Variants in PRKCQ observed in about 807,000 individuals in gnomAD.
The protein encoded by PRKCQ is protein kinase C theta.
A neutral mutation model predicts 91.2 loss-of-function variants in PRKCQ; 41 were observed. That is an observed-to-expected ratio of 0.45 (90% CI 0.35 to 0.58). PRKCQ has a LOEUF of 0.58. Among genes scored for constraint, PRKCQ ranks in the 20% least tolerant of loss-of-function variants. The pLI is 0.00. For missense variants in PRKCQ, 673 were observed against 896.5 expected, an observed-to-expected ratio of 0.75 and a Z score of 3.18; for synonymous variants, 307 against 316.9, an observed-to-expected ratio of 0.97 and a Z score of 0.33.
At chr10:6,545,166 C>T (rs1008279229) in intron 1 of PRKCQ, among the ~76,000 whole-genome samples, 3 of 152,198 alleles carry the variant, frequency 2.0e-5, no homozygotes, top group Non-Finnish European at 4.4e-5. Context: ...TCAGGAACCA[C>T]GGACATGAGA....
At chr10:6,531,998 C>T (rs1430914436) in intron 1 of PRKCQ, among the ~76,000 whole-genome samples, 5 of 152,102 alleles carry the variant, frequency 3.3e-5, no homozygotes, top group Non-Finnish European at 4.4e-5. Flanking sequence ...CTCTTTTGGC[C>T]GGGCCAGTGT....
chr10:6,456,027 G>A lies in PRKCQ; in HGVS notation c.1647+647C>T, dbSNP rs368332354. On this transcript the variant is annotated intron_variant, in intron 15 of 17. Transcript: ENST00000263125. ...GGGGTGTCACTAATCTCCCTGGGTG[G>A]GCAGCTGGGGAGGATTCTGTGAAAA... Among the ~76,000 whole-genome samples the A allele has an allele frequency of 9.9e-5, 15 of 152,248 alleles. No homozygotes were observed. The East Asian group carries it at 2.9e-3, about 29-fold the overall frequency.
chr10:6,503,367 G>A (rs1159923239), intron 4 of PRKCQ, among the ~76,000 whole-genome samples: 1 of 152,168 alleles, frequency 6.6e-6, no homozygotes, highest in Non-Finnish European at 1.5e-5. Context: ...AGAAGCACAG[G>A]AAGGTGTGAA....
intron 1 of PRKCQ, among the ~76,000 whole-genome samples, chr10:6,522,717 G>C (rs1467862647): frequency 6.6e-6 from 1 of 152,172 alleles, no homozygotes; most frequent in Non-Finnish European, 1.5e-5. Flanking sequence ...CTCAGTGTTG[G>C]GGGAGAGTCT....
the PRKCQ span, among the ~76,000 whole-genome samples, chr10:6,394,355 C>T: frequency 5.3e-4 from 81 of 152,346 alleles, no homozygotes; most frequent in African/African-American, 1.8e-3. Context: ...AGCACTCCAC[C>T]GATGGTCAGG....
At chr10:6,432,422 G>A (rs7100817) in intron 16 of PRKCQ, among the ~76,000 whole-genome samples, 58,173 of 151,932 alleles carry the variant, frequency 0.38, 13,352 homozygotes, top group East Asian at 0.71. Flanking sequence ...TTAAAGTTCC[G>A]GGTGAAATGT....
chr10:6,434,208 G>A (rs966749285), intron 16 of PRKCQ, among the ~76,000 whole-genome samples: 1 of 152,050 alleles, frequency 6.6e-6, no homozygotes, highest in African/African-American at 2.4e-5. Context: ...CCTCGCTCAT[G>A]TTGTTCTAAT....
At chr10:6,402,190 G>A in the PRKCQ span, among the ~76,000 whole-genome samples, 2 of 152,000 alleles carry the variant, frequency 1.3e-5, no homozygotes, top group Non-Finnish European at 2.9e-5. Flanking sequence ...ACACACCGGG[G>A]CCTGTTGGGG....
At chr10:6,572,278 G>A (rs1841074955) in intron 1 of PRKCQ, among the ~76,000 whole-genome samples, 1 of 106,994 alleles carries the variant, frequency 9.3e-6, no homozygotes, top group South Asian at 3.3e-4. Context: ...GTGCAGGTTT[G>A]TTACATGGGT....
intron 14 of PRKCQ, among the ~76,000 whole-genome samples, chr10:6,461,891 G>T (rs532704620): frequency 6.6e-6 from 1 of 152,156 alleles, no homozygotes; most frequent in Non-Finnish European, 1.5e-5. Context: ...AACGTGAAAT[G>T]ATGTCATACA....
chr10:6,467,347 G>GAGAGAC (rs1835721152), intron 12 of PRKCQ, among the ~76,000 whole-genome samples: 1 of 132,446 alleles, frequency 7.6e-6, no homozygotes, highest in Non-Finnish European at 1.7e-5. Flanking sequence ...GAGAGAGAGA[G>GAGAGAC]AGAGAGAGAC....
intron 4 of PRKCQ, among the ~76,000 whole-genome samples, chr10:6,505,805 C>A (rs1404287318): frequency 1.3e-5 from 2 of 152,104 alleles, no homozygotes; most frequent in Admixed American, 6.5e-5. Context: ...ACCACCAACT[C>A]TGGCTAATTT....
intron 1 of PRKCQ, among the ~76,000 whole-genome samples, chr10:6,566,264 T>C (rs1421671984): frequency 6.9e-6 from 1 of 145,344 alleles, no homozygotes; most frequent in Non-Finnish European, 1.5e-5. Flanking sequence ...TGAAGGGTTA[T>C]ACATGCCACC....
chr10:6,565,011 C>T (rs1840788785), intron 1 of PRKCQ, among the ~76,000 whole-genome samples: 1 of 152,172 alleles, frequency 6.6e-6, no homozygotes, highest in Non-Finnish European at 1.5e-5. Flanking sequence ...CTCTATCTTG[C>T]AAAAGACTAA....
At chr10:6,456,541 T>G in intron 15 of PRKCQ, 133 bp downstream of exon 15, 109 of 1,202,788 alleles carry the variant, frequency 9.1e-5, no homozygotes, top group Non-Finnish European at 1.1e-4. Context: ...GTGGCGTTTA[T>G]GAGATACTTA....
chr10:6,394,448 A>G, the PRKCQ span, among the ~76,000 whole-genome samples: 1 of 152,268 alleles, frequency 6.6e-6, no homozygotes, highest in Non-Finnish European at 1.5e-5. Context: ...ACAAACATCT[A>G]AAAATGCAAG....
At chr10:6,528,709 T>A (rs1839284145) in intron 1 of PRKCQ, among the ~76,000 whole-genome samples, 1 of 152,240 alleles carries the variant, frequency 6.6e-6, no homozygotes, top group South Asian at 2.1e-4. Context: ...CTTTGGTGGC[T>A]AAGTGTCTCC....
chr10:6,474,703 T>C (rs2130749907), intron 12 of PRKCQ, among the ~76,000 whole-genome samples: 1 of 152,326 alleles, frequency 6.6e-6, no homozygotes, highest in Non-Finnish European at 1.5e-5. Context: ...AGTTTTATGG[T>C]TAATTATTTT....
rs1837405392 is a variant in PRKCQ, at chr10:6,492,987, A to AT, written c.661-1176dup. Among the ~76,000 whole-genome samples the AT allele has an allele frequency of 2.0e-5, 3 of 152,200 alleles. 1 individual carries two copies. In the South Asian group the frequency reaches 6.2e-4, roughly 31 times the overall value. Reference sequence around the variant, plus strand: ...AAATTGCTCAGCACTTACTACAGCCATTTTCAACCAAGAAAAAAATAATTT... The same window carrying AT: ...AAATTGCTCAGCACTTACTACAGCCATTTTTCAACCAAGAAAAAAATAATTT... On this transcript the variant is annotated intron_variant, in intron 7 of 17. Coordinates refer to ENST00000263125, the MANE Select transcript of PRKCQ (RefSeq NM_006257.5).
Sources: gnomAD v4.1 joint callset for allele counts (sites outside exome capture counted in the v4.1 genomes callset) on GRCh38, gnomAD v4.1.1 for gene constraint, MANE v1.5 for transcripts, NCBI Gene and HGNC (gene_info 2026-07-23, HGNC 2026-07-21) for gene names.